The following MAPK8IP1 variants were observed in gnomAD, a reference collection of about 807,000 sequenced individuals.
MAPK8IP1 encodes the protein C-Jun-amino-terminal kinase-interacting protein 1.
Under a neutral mutation model 72.6 loss-of-function variants are expected in MAPK8IP1, and 17 were observed. The observed-to-expected ratio is 0.23, with a 90% CI of 0.16 to 0.35. MAPK8IP1 has a LOEUF of 0.35. Ranked by LOEUF, MAPK8IP1 falls within the 10% of genes least tolerant of loss-of-function variation. The pLI, the probability that MAPK8IP1 is intolerant of heterozygous loss-of-function variation, is 1.00. For missense variants in MAPK8IP1, 789 were observed against 1,009.7 expected, an observed-to-expected ratio of 0.78 and a Z score of 2.96; for synonymous variants, 401 against 443.4, an observed-to-expected ratio of 0.90 and a Z score of 1.20.
chr11:45,889,549 G>A (rs2086550833), intron 1 of MAPK8IP1, among the ~76,000 whole-genome samples: 1 of 152,220 alleles, frequency 6.6e-6, no homozygotes, highest in Non-Finnish European at 1.5e-5. Flanking sequence ...CAGAAGGACA[G>A]TTCACGTGGG....
At position 45,902,924 on chromosome 11, in the gene MAPK8IP1, A is replaced by G. The variant is rs976091989; in HGVS notation, c.1157A>G (p.Asp386Gly). Residue 386 changes from aspartate to glycine, a missense_variant, in exon 5 of 12, where the codon GAT (aspartate) becomes GGT (glycine). Transcript: ENST00000241014. This position sits in a 1 kb window ranked among gnomAD's most constrained non-coding sequence, Gnocchi z 9.3. Reference protein sequence around the residue: ...YDSVKYTLVVDEHAQLELVSL... With the variant: ...YDSVKYTLVVGEHAQLELVSL... ...TCTGTCAAGTACACGCTGGTGGTAG[A>G]TGAGCATGCACAGCTGGAGCTGGTG... The G allele has an allele frequency of 4.3e-6, 7 of 1,610,848 alleles. No individual in the cohort carries two copies. The highest frequency in any genetic ancestry group is 2.7e-5 in the African/African-American group (2 of 74,876).
At position 45,903,338 on chromosome 11, in the gene MAPK8IP1, C is replaced by G. The variant is rs529526602; in HGVS notation, c.1418-27C>G. The G allele has an allele frequency of 6.0e-5, 97 of 1,610,176 alleles. No homozygotes were observed. Among genetic ancestry groups the G allele is most frequent in the South Asian group, 2.2e-5 (2 of 90,936 alleles). ...AACCTGGATCAGAGCTGCGACCCCCCATCCAGCCACACCACCTCACCTGCA... is the reference window on the plus strand; with the variant it reads ...AACCTGGATCAGAGCTGCGACCCCCGATCCAGCCACACCACCTCACCTGCA... On this transcript the variant is annotated intron_variant, in intron 5 of 11. Coordinates refer to ENST00000241014, the MANE Select transcript of MAPK8IP1 (RefSeq NM_005456.4). This position sits in a 1 kb window ranked among gnomAD's most constrained non-coding sequence, Gnocchi z 6.4.
chr11:45,902,948 T>C lies in MAPK8IP1; in HGVS notation c.1181T>C (p.Val394Ala), dbSNP rs1207275995. 4 of 1,611,844 alleles carry C rather than the reference T, an allele frequency of 2.5e-6. No homozygotes were observed. The Admixed American group carries it at 6.7e-5, about 27-fold the overall frequency. The change falls in exon 5 of 12, where the codon GTG (valine) becomes GCG (alanine). Residue 394 changes from valine (V) to alanine (A), a missense_variant. By Grantham distance (64) the Val-to-Ala change is moderately conservative. Coordinates refer to ENST00000241014, the MANE Select transcript of MAPK8IP1 (RefSeq NM_005456.4). This position sits in a 1 kb window ranked among gnomAD's most constrained non-coding sequence, Gnocchi z 9.3. ...GATGAGCATGCACAGCTGGAGCTGG[T>C]GAGCCTGCGGCCGTGCTTCGGAGAC... ...VVDEHAQLEL[V>A]SLRPCFGDYS... is the part of the protein sequence containing the mutation.
rs369302983 is a variant in MAPK8IP1, at chr11:45,903,127, G to A, written c.1360G>A (p.Val454Ile). 4.5e-5 allele frequency: 72 copies of A among 1,607,744 alleles called. No homozygotes were observed. The highest frequency in any genetic ancestry group is 5.2e-5 in the Non-Finnish European group (61 of 1,177,286). The change falls in exon 5 of 12, where the codon GTC becomes ATC. Residue 454 changes from valine to isoleucine, a missense_variant. Coordinates refer to ENST00000241014, the MANE Select transcript of MAPK8IP1 (RefSeq NM_005456.4). This position sits in a 1 kb window ranked among gnomAD's most constrained non-coding sequence, Gnocchi z 6.4. ...GGACTCCACGCCTGATGAACCCGAC[G>A]TCCATTTCTCCAAGAAATTCCTGAA... is the stretch of plus-strand genomic sequence containing the variant. Reference protein sequence around the residue: ...SEDSTPDEPDVHFSKKFLNVF... With the variant: ...SEDSTPDEPDIHFSKKFLNVF...
intron 1 of MAPK8IP1, among the ~76,000 whole-genome samples, chr11:45,892,646 AAGG>A (rs1346308408): frequency 6.6e-6 from 1 of 152,014 alleles, no homozygotes; most frequent in Non-Finnish European, 1.5e-5. Flanking sequence ...TGCGCTATTG[AAGG>A]AGGAGATAAA....
At position 45,903,531 on chromosome 11, in the gene MAPK8IP1, A is replaced by G; in HGVS notation, c.1493+91A>G. The G allele has an allele frequency of 9.1e-7, 1 of 1,097,658 alleles. No individual in the cohort carries two copies. Among genetic ancestry groups the G allele is most frequent in the Non-Finnish European group, 1.3e-6 (1 of 744,144 alleles). 68.0% of individuals were successfully genotyped at this position (1,097,658 alleles called of 1,614,324 possible). A position where few individuals can be genotyped will look rare whatever the true frequency, so the allele number is the denominator to read the frequency against. Reference sequence around the variant, plus strand: ...GTCACCCCTACATGGCCTCAGCCTAACCCCTGCCATCAGCCTTCATTTATC... The same window carrying G: ...GTCACCCCTACATGGCCTCAGCCTAGCCCCTGCCATCAGCCTTCATTTATC... On this transcript the variant is annotated intron_variant, in intron 6 of 11. Transcript: ENST00000241014. This position sits in a 1 kb window ranked among gnomAD's most constrained non-coding sequence, Gnocchi z 6.4.
At chr11:45,889,606 G>A (rs2086551420) in intron 1 of MAPK8IP1, among the ~76,000 whole-genome samples, 1 of 152,164 alleles carries the variant, frequency 6.6e-6, no homozygotes, top group Non-Finnish European at 1.5e-5. Flanking sequence ...AAGGGAGCGA[G>A]CGGCCTGTCT....
At chr11:45,899,018 C>T (rs1462586290) in intron 2 of MAPK8IP1, among the ~76,000 whole-genome samples, 1 of 152,290 alleles carries the variant, frequency 6.6e-6, no homozygotes, top group East Asian at 1.9e-4. Context: ...ACCATAGGAG[C>T]GTGAGGTGTG....
At chr11:45,898,599 A>C (rs1374439582) in intron 2 of MAPK8IP1, among the ~76,000 whole-genome samples, 2 of 152,162 alleles carry the variant, frequency 1.3e-5, no homozygotes, top group East Asian at 1.9e-4. Flanking sequence ...GCAGTGCTTT[A>C]GGGCAGGAAG....
intron 1 of MAPK8IP1, chr11:45,897,073 G>A (rs2086613933): frequency 9.9e-7 from 1 of 1,012,322 alleles, no homozygotes; most frequent in South Asian, 1.4e-5. Context: ...TCCCCTGGGG[G>A]CTAAGCCACC....
chr11:45,904,890 C>A lies in MAPK8IP1; in HGVS notation c.1893+56C>A. On this transcript the variant is annotated intron_variant, in intron 9 of 11. Coordinates refer to ENST00000241014, the MANE Select transcript of MAPK8IP1 (RefSeq NM_005456.4). The surrounding 1 kb of genome is among the most constrained non-coding windows in gnomAD (Gnocchi z 6.4). ...CATGGCCCCAAGCTCTCCCCCAAGA[C>A]TTGTGATGAAGAGGCCATCTCCTGT... is the stretch of plus-strand genomic sequence containing the variant. 6.2e-7 allele frequency: 1 copy of A among 1,607,164 alleles called. No homozygotes were observed. The highest frequency in any genetic ancestry group is 8.5e-7 in the Non-Finnish European group (1 of 1,173,654).
intron 2 of MAPK8IP1, among the ~76,000 whole-genome samples, chr11:45,898,965 C>T (rs2086628841): frequency 6.6e-6 from 1 of 152,182 alleles, no homozygotes; most frequent in South Asian, 2.1e-4. Flanking sequence ...CCTCTGAGCC[C>T]CCAAGAGGGC....
In MAPK8IP1 at chr11:45,903,153, C is replaced by T. The variant is rs763315439; in HGVS notation, c.1386C>T (p.Asn462=). The part of the protein sequence containing the change: ...PDVHFSKKFL[N]VFMSGRSRSS... ...TCCATTTCTCCAAGAAATTCCTGAA[C>T]GTCTTCATGAGTGGCCGCTCCCGCT... is the stretch of plus-strand genomic sequence containing the variant. The change falls in exon 5 of 12, where the codon AAC becomes AAT. Residue 462 remains asparagine, a synonymous_variant. Transcript: ENST00000241014. This position sits in a 1 kb window ranked among gnomAD's most constrained non-coding sequence, Gnocchi z 6.4. 5.6e-6 allele frequency: 9 copies of T among 1,605,522 alleles called. No homozygotes were observed. The South Asian group carries it at 6.6e-5, about 12-fold the overall frequency.
At chr11:45,890,121 G>A (rs1320139492) in intron 1 of MAPK8IP1, among the ~76,000 whole-genome samples, 2 of 152,210 alleles carry the variant, frequency 1.3e-5, no homozygotes, top group Admixed American at 6.5e-5. Context: ...GGAGTGAAGG[G>A]CGGAGACCAG....
intron 1 of MAPK8IP1, among the ~76,000 whole-genome samples, chr11:45,886,393 G>C (rs1413909164): frequency 6.6e-6 from 1 of 152,244 alleles, no homozygotes; most frequent in Non-Finnish European, 1.5e-5. Flanking sequence ...GCCCTGCCTG[G>C]CCAGATGGGC....
At chr11:45,886,506 C>T (rs2134662532) in intron 1 of MAPK8IP1, among the ~76,000 whole-genome samples, 1 of 152,310 alleles carries the variant, frequency 6.6e-6, no homozygotes, top group East Asian at 1.9e-4. Flanking sequence ...CAGCCTCAAC[C>T]AGGGGAATCC....
At chr11:45,887,590 C>T (rs1307171835) in intron 1 of MAPK8IP1, among the ~76,000 whole-genome samples, 1 of 152,244 alleles carries the variant, frequency 6.6e-6, no homozygotes, top group Non-Finnish European at 1.5e-5. Flanking sequence ...CCAGCCCTGC[C>T]TCTGGCCCAG....
At position 45,902,482 on chromosome 11, in the gene MAPK8IP1, C is replaced by G; in HGVS notation, c.715C>G (p.Arg239Gly). 1 of 1,605,582 alleles carries G rather than the reference C, an allele frequency of 6.2e-7. No individual in the cohort carries two copies. Among genetic ancestry groups the G allele is most frequent in the Non-Finnish European group, 8.5e-7 (1 of 1,176,882 alleles). ...CACCTCCACCGACAGCCCTTGCCGC[C>G]GCAGCACAGCCACCCAGATGGCACC... ...RGTSTDSPCR[R>G]STATQMAPPG... Residue 239 changes from arginine (R) to glycine (G), a missense_variant, in exon 5 of 12, where the codon CGC becomes GGC. Transcript: ENST00000241014. This position sits in a 1 kb window ranked among gnomAD's most constrained non-coding sequence, Gnocchi z 9.3.
Position 45,905,768 on chromosome 11 carries a change from A to G in MAPK8IP1, c.*47A>G, listed in dbSNP as rs1210542941. The G allele has an allele frequency of 2.6e-6, 4 of 1,563,978 alleles. No individual in the cohort carries two copies. The highest frequency in any genetic ancestry group is 3.5e-6 in the Non-Finnish European group (4 of 1,137,278). On this transcript the variant is annotated 3_prime_UTR_variant, in exon 12 of 12. Coordinates refer to ENST00000241014, the MANE Select transcript of MAPK8IP1 (RefSeq NM_005456.4). The stretch of plus-strand genomic sequence containing the variant: ...GTCCCCCAGCCCTCAGGCCAGTGCC[A>G]GGACAGCTGGCTGCTGACAGGATGT...
Sources: gnomAD v4.1 joint callset for allele counts (sites outside exome capture counted in the v4.1 genomes callset) on GRCh38, gnomAD v4.1.1 for gene constraint, Gnocchi (gnomAD v3.1) non-coding constraint, MANE v1.5 for transcripts, NCBI Gene and HGNC (gene_info 2026-07-23, HGNC 2026-07-21) for gene names.